EIF2AK4: variants seen among roughly 807,000 people sequenced by gnomAD.
The protein encoded by EIF2AK4 is eIF-2-alpha kinase GCN2.
In EIF2AK4, 139 loss-of-function variants were observed where a neutral mutation model predicts 211.1. The ratio of observed to expected loss-of-function variants is 0.66; its 90% CI spans 0.57 to 0.76. EIF2AK4 has a LOEUF of 0.76. Ranked by LOEUF, EIF2AK4 falls within the 30% of genes least tolerant of loss-of-function variation. The pLI is 0.00. For missense variants in EIF2AK4, 1,664 were observed against 2,043.8 expected (o/e 0.81, Z 3.58); for synonymous variants, 710 against 751.3 (o/e 0.94, Z 0.90).
chr15:40,023,924 A>T (rs982149706), intron 32 of EIF2AK4, among the ~76,000 whole-genome samples: 3 of 152,200 alleles, frequency 2.0e-5, no homozygotes, highest in Non-Finnish European at 4.4e-5. Context: ...CTGCTTTTAT[A>T]TGTCTGTGAA....
At chr15:39,940,053 T>C (rs2034123911) in intron 2 of EIF2AK4, among the ~76,000 whole-genome samples, 1 of 152,182 alleles carries the variant, frequency 6.6e-6, no homozygotes. Flanking sequence ...AGTATTTGGA[T>C]CTGTCCTGCC....
In EIF2AK4 at chr15:39,976,633, C is replaced by G. The variant is rs747882672; in HGVS notation, c.2038C>G (p.Arg680Gly). ...CTCCGGGCCCCTGGCCAAGGATGACCGAGCTGCACGCGGGCAGCCGGCGAG... is the reference window on the plus strand; with the variant it reads ...CTCCGGGCCCCTGGCCAAGGATGACGGAGCTGCACGCGGGCAGCCGGCGAG... ...PDSGPLAKDD[R>G]AARGQPASDT... Residue 680 changes from arginine (R) to glycine (G), a missense_variant, in exon 12 of 39, where the codon CGA becomes GGA. Around this residue, in one of 7 missense-constraint regions of EIF2AK4, gnomAD observed 206 missense variants for 201.9 expected, o/e 1.02. Transcript: ENST00000263791. 46 of 1,604,864 alleles carry G rather than the reference C, an allele frequency of 2.9e-5. No individual in the cohort carries two copies. The African/African-American group carries it at 5.5e-4, about 19-fold the overall frequency.
rs71132136 is a variant in EIF2AK4, at chr15:40,024,739, G to GTT, written c.4390-1228_4390-1227dup. The stretch of plus-strand genomic sequence containing the variant: ...ACTCTGAGAATCCTGGCTTTTTTTT[G>GTT]TTTTTTTTTTTGAGACAGGGTCTCA... On this transcript the variant is annotated intron_variant, in intron 32 of 38. Coordinates refer to ENST00000263791, the MANE Select transcript of EIF2AK4 (RefSeq NM_001013703.4). Among the ~76,000 whole-genome samples the GTT allele has an allele frequency of 3.4e-3, 414 of 122,290 alleles. 2 individuals are homozygous for GTT. The highest frequency in any genetic ancestry group is 0.011 in the African/African-American group (378 of 33,028). 80.2% of individuals were successfully genotyped at this position (122,290 alleles called of 152,430 possible).
At position 39,965,777 on chromosome 15, in the gene EIF2AK4, G is replaced by A. The variant is rs910661865; in HGVS notation, c.951G>A (p.Trp317Ter). Residue 317 changes from tryptophan (W) to a stop codon, truncating the protein, a stop_gained, in exon 8 of 39, where the codon TGG becomes TGA. Coordinates refer to ENST00000263791, the MANE Select transcript of EIF2AK4 (RefSeq NM_001013703.4). LOFTEE classifies it high-confidence loss of function. ...FVLLYEWVLQ[W>*]QKKMGPFLTS... ...TGTTGTATGAGTGGGTCCTTCAGTG[G>A]CAGAAAAAAATGGGTCCATTCCTTA... The A allele has an allele frequency of 5.6e-6, 9 of 1,614,046 alleles. No homozygotes were observed. Among genetic ancestry groups the A allele is most frequent in the Non-Finnish European group, 7.6e-6 (9 of 1,179,946 alleles).
In EIF2AK4 at chr15:39,959,936, G is replaced by C. The variant is rs547507424; in HGVS notation, c.744-1848G>C. ...CCCAGCACTTTGGGAGGCCAAGGCGGGCAGATCACGAGGTCAGGAGATCGA... is the reference window on the plus strand; with the variant it reads ...CCCAGCACTTTGGGAGGCCAAGGCGCGCAGATCACGAGGTCAGGAGATCGA... On this transcript the variant is annotated intron_variant, in intron 6 of 38. Coordinates refer to ENST00000263791, the MANE Select transcript of EIF2AK4 (RefSeq NM_001013703.4). 9.2e-5 allele frequency among the ~76,000 whole-genome samples: 14 copies of C among 152,236 alleles called. No individual in the cohort carries two copies. In the East Asian group the frequency reaches 2.1e-3, roughly 23 times the overall value.
At chr15:39,986,074 A>G (rs988634739) in intron 14 of EIF2AK4, among the ~76,000 whole-genome samples, 186 bp downstream of exon 14, 1 of 152,196 alleles carries the variant, frequency 6.6e-6, no homozygotes, top group African/African-American at 2.4e-5. Flanking sequence ...CTTTCCTGCC[A>G]CATATCAGGA....
At chr15:40,009,422 A>G (rs1351147095) in intron 25 of EIF2AK4, among the ~76,000 whole-genome samples, 192 bp from the exon 26 acceptor site, 1 of 151,970 alleles carries the variant, frequency 6.6e-6, no homozygotes, top group Non-Finnish European at 1.5e-5. Context: ...ATAATATAGT[A>G]TTAAATTAGA....
Position 40,017,507 on chromosome 15 carries a change from A to T in EIF2AK4, c.4065+265A>T, listed in dbSNP as rs1456549521. ...TGTACCCTTTACTCTGTTTCTATAT[A>T]TATATATATATATATATATATATAT... On this transcript the variant is annotated intron_variant, in intron 29 of 38. Transcript: ENST00000263791. 1.5e-3 allele frequency among the ~76,000 whole-genome samples: 9 copies of T among 5,956 alleles called. 1 individual carries two copies. The highest frequency in any genetic ancestry group is 6.0e-3 in the African/African-American group (9 of 1,494). The allele number at this position is 5,956 out of a possible 152,430, so 3.9% of individuals were successfully genotyped here.
At chr15:39,945,452 A>G (rs781602053) in intron 3 of EIF2AK4, among the ~76,000 whole-genome samples, 2 of 152,220 alleles carry the variant, frequency 1.3e-5, no homozygotes, top group South Asian at 2.1e-4. Flanking sequence ...GAATGCTGAG[A>G]AGAGATGAGG....
chr15:40,001,092 A>G lies in EIF2AK4; in HGVS notation c.3027A>G (p.Ser1009=). ...ELLPPPQMEE[S]ELHEVLHHTL... ...TGCCCCCACCCCAGATGGAGGAGTC[A>G]GAGCTGCATGAAGTGCTGCACCACA... The change falls in exon 21 of 39, where the codon TCA becomes TCG. Residue 1009 remains serine, a synonymous_variant. Transcript: ENST00000263791. 1 of 1,614,208 alleles carries G rather than the reference A, an allele frequency of 6.2e-7. No homozygotes were observed. The highest frequency in any genetic ancestry group is 8.5e-7 in the Non-Finnish European group (1 of 1,180,026).
intron 16 of EIF2AK4, among the ~76,000 whole-genome samples, chr15:39,990,642 A>T (rs2034931022): frequency 6.6e-6 from 1 of 152,206 alleles, no homozygotes; most frequent in South Asian, 2.1e-4. Context: ...GTACTTTATG[A>T]AATCATTTGG....
Position 40,016,667 on chromosome 15 carries a change from T to C in EIF2AK4, c.3925T>C (p.Leu1309=), listed in dbSNP as rs773853726. 8.1e-6 allele frequency: 13 copies of C among 1,613,890 alleles called. No homozygotes were observed. The highest frequency in any genetic ancestry group is 1.1e-5 in the Non-Finnish European group (13 of 1,179,982). Residue 1309 remains leucine (L), a synonymous_variant, in exon 28 of 39, where the codon TTA becomes CTA. Coordinates refer to ENST00000263791, the MANE Select transcript of EIF2AK4 (RefSeq NM_001013703.4). The part of the protein sequence containing the change: ...VGLLKKLGIK[L]QVLINLGLVY... ...ACTGTTGAAGAAACTCGGCATCAAG[T>C]TACAGGTTTGGCAACAGTTTGATAC...
At position 40,003,226 on chromosome 15, in the gene EIF2AK4, C is replaced by A; in HGVS notation, c.3269C>A (p.Pro1090His). 2 of 1,614,120 alleles carry A rather than the reference C, an allele frequency of 1.2e-6. No individual in the cohort carries two copies. Among genetic ancestry groups the A allele is most frequent in the Non-Finnish European group, 1.7e-6 (2 of 1,180,030 alleles). The stretch of plus-strand genomic sequence containing the variant: ...CAGTTGTGTACTCCACTACTGCTTC[C>A]CCGAAACAGACAAATATATGAGCAC... ...AVQLCTPLLL[P>H]RNRQIYEHNE... is the part of the protein sequence containing the mutation. Residue 1090 changes from proline to histidine, a missense_variant, in exon 23 of 39, where the codon CCC becomes CAC. Pro to His is a moderately conservative substitution (Grantham distance 77, BLOSUM62 -2). Around this residue, in one of 7 missense-constraint regions of EIF2AK4, gnomAD observed 622 missense variants for 796.8 expected, o/e 0.78. Coordinates refer to ENST00000263791, the MANE Select transcript of EIF2AK4 (RefSeq NM_001013703.4).
At chr15:39,948,494 A>G (rs1387119445) in intron 3 of EIF2AK4, among the ~76,000 whole-genome samples, 1 of 152,198 alleles carries the variant, frequency 6.6e-6, no homozygotes, top group East Asian at 1.9e-4. Flanking sequence ...CACATAAAGA[A>G]TGTGTGAAAG....
chr15:40,021,127 T>G, intron 31 of EIF2AK4, 100 bp downstream of exon 31: 22 of 1,337,232 alleles, frequency 1.6e-5, no homozygotes, highest in Non-Finnish European at 2.0e-5. Context: ...TGTTTATCTC[T>G]GTAATTCGAG....
At chr15:39,995,151 T>C (rs1238093441) in intron 18 of EIF2AK4, among the ~76,000 whole-genome samples, 1 of 152,146 alleles carries the variant, frequency 6.6e-6, no homozygotes, top group African/African-American at 2.4e-5. Context: ...CGTATATACA[T>C]ATTTTTTTAA....
intron 6 of EIF2AK4, among the ~76,000 whole-genome samples, chr15:39,958,200 G>T (rs1180959874): frequency 2.6e-5 from 4 of 152,216 alleles, no homozygotes; most frequent in Non-Finnish European, 5.9e-5. Flanking sequence ...CTCCTCATAA[G>T]TGGGCAATAT....
chr15:39,935,223 C>T (rs1204482861), intron 1 of EIF2AK4, among the ~76,000 whole-genome samples: 3 of 152,054 alleles, frequency 2.0e-5, no homozygotes, highest in African/African-American at 7.2e-5. Context: ...AATTAAGGCA[C>T]GTTATAAAGT....
intron 8 of EIF2AK4, among the ~76,000 whole-genome samples, chr15:39,966,097 A>G (rs2034539928): frequency 1.3e-5 from 2 of 152,190 alleles, no homozygotes; most frequent in African/African-American, 2.4e-5. Context: ...TATGGCATTA[A>G]CAGTCATCTT....
Sources: allele counts gnomAD v4.1 joint callset (sites outside exome capture counted in the v4.1 genomes callset), GRCh38; gene constraint gnomAD v4.1.1; regional missense constraint gnomAD v4.1.1; transcripts MANE v1.5; gene names NCBI Gene and HGNC (gene_info 2026-07-23, HGNC 2026-07-21).